Variants in STX8 observed in about 807,000 individuals in gnomAD.
STX8 encodes the protein syntaxin-8.
In STX8, 23 loss-of-function variants were observed where a neutral mutation model predicts 37.5. The observed-to-expected ratio is 0.61, with a 90% CI of 0.44 to 0.87. The LOEUF is 0.87. Among genes scored for constraint, STX8 ranks in the 40% least tolerant of loss-of-function variants. The pLI is 0.00. For synonymous variants in STX8, 115 were observed against 99.1 expected (o/e 1.16, Z -0.95); for missense variants, 313 against 284.7 (o/e 1.10, Z -0.71).
intron 7 of STX8, among the ~76,000 whole-genome samples, chr17:9,294,335 C>G (rs1908435377): frequency 1.3e-5 from 2 of 152,228 alleles, no homozygotes; most frequent in Non-Finnish European, 1.5e-5. Context: ...TGAGCCCTTA[C>G]TATGTGCAAA....
intron 6 of STX8, among the ~76,000 whole-genome samples, chr17:9,429,520 G>A (rs12945373): frequency 0.57 from 79,182 of 140,046 alleles, 24,160 homozygotes; most frequent in African/African-American, 0.79. Flanking sequence ...TGGCTAACAC[G>A]GTGAAACCCC....
chr17:9,265,813 G>A (rs1215864859), intron 7 of STX8, among the ~76,000 whole-genome samples: 1 of 152,188 alleles, frequency 6.6e-6, no homozygotes, highest in African/African-American at 2.4e-5. Flanking sequence ...GTTTGTTGGG[G>A]GCGCTGGAGG....
intron 4 of STX8, among the ~76,000 whole-genome samples, chr17:9,535,378 G>T (rs559815789): frequency 6.9e-6 from 1 of 145,504 alleles, no homozygotes; most frequent in East Asian, 2.1e-4. Context: ...CTTGTGAAAT[G>T]CTATTGAAAT....
chr17:9,415,326 C>A (rs1455890731), intron 6 of STX8, among the ~76,000 whole-genome samples: 2 of 152,114 alleles, frequency 1.3e-5, no homozygotes, highest in Non-Finnish European at 2.9e-5. Flanking sequence ...GATGTTGACG[C>A]CCTCCCTAGT....
intron 4 of STX8, among the ~76,000 whole-genome samples, chr17:9,518,721 AGCTGG>A (rs2142520079): frequency 6.6e-6 from 1 of 152,134 alleles, no homozygotes; most frequent in East Asian, 1.9e-4. Context: ...ACAAAAAATT[AGCTGG>A]GCGTAGTGGT....
At chr17:9,421,538 C>A (rs1913429647) in intron 6 of STX8, among the ~76,000 whole-genome samples, 1 of 151,102 alleles carries the variant, frequency 6.6e-6, no homozygotes, top group Non-Finnish European at 1.5e-5. Flanking sequence ...GTGACCCTGG[C>A]TGCTTTATCC....
Position 9,502,978 on chromosome 17 carries a change from C to T in STX8, c.448+2060G>A, listed in dbSNP as rs950516222. Among the ~76,000 whole-genome samples the T allele has an allele frequency of 4.6e-5, 7 of 151,672 alleles. No individual in the cohort carries two copies. In the East Asian group the frequency reaches 1.2e-3, roughly 25 times the overall value. On this transcript the variant is annotated intron_variant, in intron 5 of 7. Transcript: ENST00000306357. ...AAAATTAGCTGGGCATGATGGCGGGCGCCCGTAATCCCAGCCACTCGGGAA... is the reference window on the plus strand; with the variant it reads ...AAAATTAGCTGGGCATGATGGCGGGTGCCCGTAATCCCAGCCACTCGGGAA...
At chr17:9,442,086 A>G (rs903513700) in intron 6 of STX8, among the ~76,000 whole-genome samples, 4 of 152,120 alleles carry the variant, frequency 2.6e-5, no homozygotes, top group Non-Finnish European at 5.9e-5. Flanking sequence ...AGCTGAGAGC[A>G]CCCCACGTGT....
At chr17:9,390,377 C>A (rs1015419068) in intron 6 of STX8, among the ~76,000 whole-genome samples, 5 of 151,600 alleles carry the variant, frequency 3.3e-5, no homozygotes, top group Admixed American at 3.3e-4. Flanking sequence ...CAAAAATTAC[C>A]TGGGCGTGGT....
intron 5 of STX8, among the ~76,000 whole-genome samples, chr17:9,493,117 G>T (rs1256514393): frequency 3.4e-5 from 5 of 149,024 alleles, no homozygotes; most frequent in African/African-American, 1.2e-4. Flanking sequence ...AAAAAAATTA[G>T]CTAGGCACGA....
chr17:9,399,048 CA>C lies in STX8; in HGVS notation c.542-20396del, dbSNP rs376011880. ...TGGGTGACAGAGTGAGACTCCAGCT[CA>C]AAAAAAAAAAAAAAAAGCTACAGTA... On this transcript the variant is annotated intron_variant, in intron 6 of 7. Transcript: ENST00000306357. Among the ~76,000 whole-genome samples, 583 of 85,558 alleles carry C rather than the reference CA, an allele frequency of 6.8e-3. 2 individuals are homozygous for C. Among genetic ancestry groups the C allele is most frequent in the African/African-American group, 0.015 (387 of 26,422 alleles). 56.1% of individuals were successfully genotyped at this position (85,558 alleles called of 152,430 possible). A position where few individuals can be genotyped will look rare whatever the true frequency, so the allele number is the denominator to read the frequency against.
At chr17:9,336,440 C>T (rs1246325486) in intron 7 of STX8, among the ~76,000 whole-genome samples, 1 of 150,542 alleles carries the variant, frequency 6.6e-6, no homozygotes, top group East Asian at 1.9e-4. Context: ...CCCTTCCTTC[C>T]TTCTTTCTTT....
At position 9,384,304 on chromosome 17, in the gene STX8, T is replaced by C. The variant is rs192170915; in HGVS notation, c.542-5651A>G. On this transcript the variant is annotated intron_variant, in intron 6 of 7. Transcript: ENST00000306357. Reference sequence around the variant, plus strand: ...TGAAACCTGCAAGCCAATTCTAAAATTTACAAAGAAAATTATTTAGAATAA... The same window carrying C: ...TGAAACCTGCAAGCCAATTCTAAAACTTACAAAGAAAATTATTTAGAATAA... Among the ~76,000 whole-genome samples, 15 of 152,188 alleles carry C rather than the reference T, an allele frequency of 9.9e-5. 1 individual carries two copies. In the East Asian group the frequency reaches 2.9e-3, roughly 29 times the overall value.
intron 2 of STX8, among the ~76,000 whole-genome samples, chr17:9,562,274 C>T (rs149377090): frequency 0.034 from 5,132 of 151,930 alleles, 297 homozygotes; most frequent in African/African-American, 0.12. Flanking sequence ...GGCATGGTGG[C>T]GGGCGCCTGT....
At chr17:9,347,394 T>A (rs911289292) in intron 7 of STX8, among the ~76,000 whole-genome samples, 2 of 152,232 alleles carry the variant, frequency 1.3e-5, no homozygotes, top group Non-Finnish European at 2.9e-5. Context: ...GGAAGCTTTT[T>A]TCCTTTTTAA....
chr17:9,297,391 T>A (rs1362643953), intron 7 of STX8, among the ~76,000 whole-genome samples: 1 of 152,176 alleles, frequency 6.6e-6, no homozygotes, highest in South Asian at 2.1e-4. Context: ...TGATTCTTCA[T>A]CTACTTAAAA....
At chr17:9,356,406 A>G (rs190746646) in intron 7 of STX8, among the ~76,000 whole-genome samples, 57 of 152,306 alleles carry the variant, frequency 3.7e-4, no homozygotes, top group Admixed American at 1.2e-3. Flanking sequence ...ATGTCAGATG[A>G]TTGTCAGGAG....
rs1051686131 is a variant in STX8 at position 9,507,150 on chromosome 17, C to T, written c.324-1988G>A. 1.3e-5 allele frequency among the ~76,000 whole-genome samples: 2 copies of T among 152,066 alleles called. No homozygotes were observed. Among genetic ancestry groups the T allele is most frequent in the Admixed American group, 6.6e-5 (1 of 15,266 alleles). Reference sequence around the variant, plus strand: ...GGCTAGCAGAGTGACTACGCTCCTGCATCCCGGATCTATGAAACAGTCGGG... The same window carrying T: ...GGCTAGCAGAGTGACTACGCTCCTGTATCCCGGATCTATGAAACAGTCGGG... On this transcript the variant is annotated intron_variant, in intron 4 of 7. Coordinates refer to ENST00000306357, the MANE Select transcript of STX8 (RefSeq NM_004853.3). This position sits in a 1 kb window ranked among gnomAD's most constrained non-coding sequence, Gnocchi z 4.0.
chr17:9,459,898 T>A (rs1338310218), intron 6 of STX8, among the ~76,000 whole-genome samples: 1 of 152,198 alleles, frequency 6.6e-6, no homozygotes, highest in African/African-American at 2.4e-5. Flanking sequence ...TCAAATAAGT[T>A]TTTTTGGCAT....
Sources: allele counts gnomAD v4.1 joint callset (sites outside exome capture counted in the v4.1 genomes callset), GRCh38; gene constraint gnomAD v4.1.1; non-coding constraint Gnocchi (gnomAD v3.1); transcripts MANE v1.5; gene names NCBI Gene and HGNC (gene_info 2026-07-23, HGNC 2026-07-21).